Variants in PDE1C observed in about 807,000 individuals in gnomAD.
PDE1C encodes the protein phosphodiesterase 1C.
In PDE1C, 62 loss-of-function variants were observed where a neutral mutation model predicts 93.1. That is an observed-to-expected ratio of 0.67 (90% CI 0.54 to 0.82). The LOEUF (loss-of-function observed/expected upper bound fraction) is 0.82, where lower values mean the gene tolerates loss of function less well. Among genes scored for constraint, PDE1C ranks in the 40% least tolerant of loss-of-function variants. PDE1C has a pLI of 0.00. For missense variants in PDE1C, 742 were observed against 884.6 expected (o/e 0.84, Z 2.04); for synonymous variants, 325 against 310.1 (o/e 1.05, Z -0.50).
At chr7:32,364,481 C>T (rs569355245) in intron 1 of PDE1C, among the ~76,000 whole-genome samples, 17 of 152,278 alleles carry the variant, frequency 1.1e-4, no homozygotes, top group African/African-American at 2.4e-4. Flanking sequence ...GGAGCCAGGA[C>T]GGACTTCTCA....
chr7:31,871,673 T>A lies in PDE1C; in HGVS notation c.609+1619A>T, dbSNP rs1795965201. Among the ~76,000 whole-genome samples the A allele has an allele frequency of 2.0e-5, 3 of 148,016 alleles. No homozygotes were observed. In the South Asian group the frequency reaches 6.4e-4, roughly 32 times the overall value. ...AAAATGAGATATCATCTTACCCCAG[T>A]AAGAATGGCTGTTATGGTTAAAAAA... On this transcript the variant is annotated intron_variant, in intron 6 of 17. Coordinates refer to ENST00000396191, the MANE Select transcript of PDE1C (RefSeq NM_001191057.4).
chr7:31,918,644 T>C (rs1802226541), intron 2 of PDE1C, among the ~76,000 whole-genome samples: 1 of 152,234 alleles, frequency 6.6e-6, no homozygotes, highest in Non-Finnish European at 1.5e-5. Context: ...TCTGCTTTTA[T>C]AGTCTGCTAA....
chr7:31,734,893 A>G, the PDE1C span, among the ~76,000 whole-genome samples: 1 of 152,216 alleles, frequency 6.6e-6, no homozygotes, highest in African/African-American at 2.4e-5. Context: ...GACTAGGAAT[A>G]TCTTTTGGCC....
chr7:32,315,290 C>A (rs1464024822), intron 1 of PDE1C, among the ~76,000 whole-genome samples: 1 of 151,640 alleles, frequency 6.6e-6, no homozygotes, highest in Admixed American at 6.6e-5. Flanking sequence ...AGGGATGTGG[C>A]TTTTTGTTTT....
At chr7:32,357,955 C>G (rs1445323599) in intron 1 of PDE1C, among the ~76,000 whole-genome samples, 1 of 152,152 alleles carries the variant, frequency 6.6e-6, no homozygotes, top group African/African-American at 2.4e-5. Context: ...ATCTAATTTG[C>G]AATTCTAAAG....
At chr7:32,077,164 T>C (rs1478399286) in intron 3 of PDE1C, among the ~76,000 whole-genome samples, 1 of 152,152 alleles carries the variant, frequency 6.6e-6, no homozygotes, top group African/African-American at 2.4e-5. Flanking sequence ...CACTTGAACC[T>C]GGAAGGCAGA....
At chr7:32,126,664 C>A (rs1234631066) in intron 3 of PDE1C, among the ~76,000 whole-genome samples, 1 of 152,012 alleles carries the variant, frequency 6.6e-6, no homozygotes, top group Non-Finnish European at 1.5e-5. Flanking sequence ...TATTTGTCAT[C>A]CCCAATATCA....
At chr7:31,711,126 T>C in the PDE1C span, among the ~76,000 whole-genome samples, 3,746 of 152,288 alleles carry the variant, frequency 0.025, 73 homozygotes, top group Middle Eastern at 0.037. Context: ...CAATTTTGCT[T>C]ATCCTGGAAA....
chr7:31,973,891 C>G (rs1811295586), intron 2 of PDE1C, among the ~76,000 whole-genome samples: 1 of 152,108 alleles, frequency 6.6e-6, no homozygotes, highest in Non-Finnish European at 1.5e-5. Flanking sequence ...TGACAAGGTC[C>G]TTATAAACTA....
At chr7:32,386,145 G>A (rs1368632996) in intron 1 of PDE1C, among the ~76,000 whole-genome samples, 1 of 112,544 alleles carries the variant, frequency 8.9e-6, no homozygotes, top group Non-Finnish European at 1.8e-5. Context: ...AATTGTAAAT[G>A]TCACAACTAC....
At chr7:31,780,803 TTGTGTGTGTGTGTGTGTGTGTGTGTGTG>T (rs55970947) in intron 16 of PDE1C, among the ~76,000 whole-genome samples, 2 of 149,726 alleles carry the variant, frequency 1.3e-5, no homozygotes, top group East Asian at 2.0e-4. Context: ...ACGTGTGCAT[TTGTGTGTGTGTGTGTGTGTGTGTGTGTG>T]TGTGTGTGTG....
At chr7:31,646,555 G>T in the PDE1C span, among the ~76,000 whole-genome samples, 3 of 152,262 alleles carry the variant, frequency 2.0e-5, no homozygotes, top group East Asian at 5.8e-4. Context: ...CCAGCTCCAG[G>T]GTGACCAAGT....
At chr7:31,853,419 G>A (rs1397766698) in intron 7 of PDE1C, among the ~76,000 whole-genome samples, 1 of 152,094 alleles carries the variant, frequency 6.6e-6, no homozygotes, top group African/African-American at 2.4e-5. Context: ...AAGAAATGAA[G>A]GTGGGCATTT....
chr7:31,656,975 G>A, the PDE1C span, among the ~76,000 whole-genome samples: 1 of 148,992 alleles, frequency 6.7e-6, no homozygotes, highest in Non-Finnish European at 1.5e-5. Context: ...CCGATTCTCA[G>A]GCCTTTAGGC....
chr7:32,138,861 A>C (rs1413089163), intron 3 of PDE1C, among the ~76,000 whole-genome samples: 11 of 152,192 alleles, frequency 7.2e-5, no homozygotes, highest in Non-Finnish European at 2.9e-5. Flanking sequence ...AGACATTAGT[A>C]ATCCTGAGTC....
intron 1 of PDE1C, among the ~76,000 whole-genome samples, chr7:32,387,664 T>C (rs1784660929): frequency 6.9e-6 from 1 of 145,582 alleles, no homozygotes; most frequent in Non-Finnish European, 1.5e-5. Context: ...ACGGGGCGGC[T>C]GGCCGGGCGG....
chr7:31,635,431 A>C, the PDE1C span, among the ~76,000 whole-genome samples: 1 of 152,324 alleles, frequency 6.6e-6, no homozygotes, highest in East Asian at 1.9e-4. Context: ...ACCTGAGAGA[A>C]CTATGCCCAA....
intron 16 of PDE1C, chr7:31,790,309 C>T (rs771456578): frequency 4.3e-5 from 66 of 1,517,296 alleles, no homozygotes; most frequent in Middle Eastern, 1.7e-4. Flanking sequence ...CCTTTCCCCC[C>T]GCCCACCTCC....
At chr7:32,019,650 T>G (rs1419314237) in intron 2 of PDE1C, among the ~76,000 whole-genome samples, 1 of 152,100 alleles carries the variant, frequency 6.6e-6, no homozygotes, top group African/African-American at 2.4e-5. Flanking sequence ...TGAACCATGC[T>G]ATTAATGGTG....
Sources: allele counts gnomAD v4.1 joint callset (sites outside exome capture counted in the v4.1 genomes callset), GRCh38; gene constraint gnomAD v4.1.1; transcripts MANE v1.5; gene names NCBI Gene and HGNC (gene_info 2026-07-23, HGNC 2026-07-21).